The following SLC14A2 variants were observed in gnomAD, a reference collection of about 807,000 sequenced individuals.
SLC14A2 encodes solute carrier family 14 member 2.
In SLC14A2, 91 loss-of-function variants were observed where a neutral mutation model predicts 104.6. The ratio of observed to expected loss-of-function variants is 0.87; its 90% CI spans 0.73 to 1.04. The LOEUF (loss-of-function observed/expected upper bound fraction) is 1.04. Ranked by LOEUF, SLC14A2 falls within the 50% of genes least tolerant of loss-of-function variation. SLC14A2 has a pLI of 0.00. For synonymous variants in SLC14A2, 476 were observed against 466.4 expected, an observed-to-expected ratio of 1.02 and a Z score of -0.27; for missense variants, 1,189 against 1,156.0, an observed-to-expected ratio of 1.03 and a Z score of -0.41.
chr18:45,337,322 G>T (rs115910398), intron 1 of SLC14A2, among the ~76,000 whole-genome samples: 13 of 152,314 alleles, frequency 8.5e-5, no homozygotes, highest in Admixed American at 2.6e-4. Flanking sequence ...TGCCTCAGAA[G>T]TAAAAGGTAG....
At chr18:45,572,073 T>A (rs1321168446) in intron 2 of SLC14A2, among the ~76,000 whole-genome samples, 1 of 152,202 alleles carries the variant, frequency 6.6e-6, no homozygotes, top group East Asian at 1.9e-4. Context: ...TTCTAATATA[T>A]AGCCAGAACT....
intron 1 of SLC14A2, among the ~76,000 whole-genome samples, chr18:45,269,323 G>A (rs771492367): frequency 1.3e-5 from 2 of 152,000 alleles, no homozygotes; most frequent in African/African-American, 4.8e-5. Flanking sequence ...AACATGATAA[G>A]GTTTTAGCTG....
intron 1 of SLC14A2, among the ~76,000 whole-genome samples, chr18:45,225,696 G>A (rs1366635909): frequency 6.6e-6 from 1 of 150,908 alleles, no homozygotes; most frequent in Non-Finnish European, 1.5e-5. Flanking sequence ...TCTTGAAGAG[G>A]TCCTTCACAT....
chr18:45,323,673 G>A (rs1296112056), intron 1 of SLC14A2, among the ~76,000 whole-genome samples: 2 of 152,178 alleles, frequency 1.3e-5, no homozygotes, highest in Non-Finnish European at 2.9e-5. Context: ...GAGTCAATGT[G>A]TTCTGGGGAG....
At position 45,678,396 on chromosome 18, in the gene SLC14A2, C is replaced by T. The variant is rs147265773; in HGVS notation, c.2513-579C>T. Reference sequence around the variant, plus strand: ...CTAAGGACAATTGGGATGCTCTCAGCGAGAAATGAAGGGTTTGGAAGCAAA... The same window carrying T: ...CTAAGGACAATTGGGATGCTCTCAGTGAGAAATGAAGGGTTTGGAAGCAAA... On this transcript the variant is annotated intron_variant, in intron 18 of 19. Coordinates refer to ENST00000255226, the MANE Select transcript of SLC14A2 (RefSeq NM_007163.4). Among the ~76,000 whole-genome samples the T allele has an allele frequency of 3.3e-3, 508 of 152,162 alleles. 2 individuals carry two copies. Among genetic ancestry groups the T allele is most frequent in the African/African-American group, 8.6e-3 (355 of 41,504 alleles).
chr18:45,459,822 C>T (rs1339582187), intron 1 of SLC14A2, among the ~76,000 whole-genome samples: 1 of 152,162 alleles, frequency 6.6e-6, no homozygotes, highest in Non-Finnish European at 1.5e-5. Context: ...CCTATAAACA[C>T]GTTGAAAGCG....
chr18:45,668,132 C>A, intron 14 of SLC14A2, 110 bp downstream of exon 14: 2 of 1,168,738 alleles, frequency 1.7e-6, no homozygotes, highest in Non-Finnish European at 2.4e-6. Flanking sequence ...ACACTGACAA[C>A]TAAAAATGAC....
chr18:45,310,322 T>C (rs897611445), intron 1 of SLC14A2, among the ~76,000 whole-genome samples: 4 of 152,242 alleles, frequency 2.6e-5, no homozygotes, highest in Non-Finnish European at 4.4e-5. Context: ...AAGGGTTCCA[T>C]GGTGCTACCT....
chr18:45,219,062 A>T (rs2084037603), intron 1 of SLC14A2, among the ~76,000 whole-genome samples: 1 of 152,198 alleles, frequency 6.6e-6, no homozygotes, highest in Admixed American at 6.5e-5. Flanking sequence ...AAAAACAAAA[A>T]ATGTATAAGT....
At chr18:45,208,402 A>T (rs145736701), upstream of SLC14A2, among the ~76,000 whole-genome samples, 261 of 152,330 alleles carry the variant, frequency 1.7e-3, 1 homozygote, top group African/African-American at 6.0e-3. Flanking sequence ...TCTGAGAGAC[A>T]TAAGAGCTAA....
intron 18 of SLC14A2, among the ~76,000 whole-genome samples, chr18:45,675,709 A>ATATATATATATATATT (rs57989993): frequency 6.4e-5 from 5 of 78,386 alleles, no homozygotes; most frequent in African/African-American, 2.5e-4. Context: ...ATATATATAT[A>ATATATATATATATATT]TTTTTTTTTT....
intron 11 of SLC14A2, among the ~76,000 whole-genome samples, chr18:45,665,918 T>C (rs1270691070): frequency 6.6e-6 from 1 of 152,076 alleles, no homozygotes; most frequent in Non-Finnish European, 1.5e-5. Flanking sequence ...TATATGAAGA[T>C]GTACACTTTT....
At chr18:45,525,804 A>C (rs2043587817) in intron 2 of SLC14A2, among the ~76,000 whole-genome samples, 1 of 152,146 alleles carries the variant, frequency 6.6e-6, no homozygotes. Context: ...GCAACTCCCC[A>C]TTTACAGTTG....
At chr18:45,255,418 A>G (rs2084466749) in intron 1 of SLC14A2, among the ~76,000 whole-genome samples, 1 of 152,196 alleles carries the variant, frequency 6.6e-6, no homozygotes, top group Non-Finnish European at 1.5e-5. Context: ...GGGAGAGCGC[A>G]TTTGTGTGTG....
intron 1 of SLC14A2, among the ~76,000 whole-genome samples, chr18:45,465,148 G>A (rs896125612): frequency 1.3e-5 from 2 of 152,154 alleles, no homozygotes; most frequent in African/African-American, 2.4e-5. Context: ...TGAGACAGAG[G>A]AGGGTCAGAG....
chr18:45,276,337 T>C (rs1244157673), intron 1 of SLC14A2, among the ~76,000 whole-genome samples: 1 of 152,232 alleles, frequency 6.6e-6, no homozygotes, highest in Non-Finnish European at 1.5e-5. Flanking sequence ...CTGGTTACTA[T>C]AACAGAGGTG....
intron 1 of SLC14A2, among the ~76,000 whole-genome samples, chr18:45,323,080 G>T (rs955725852): frequency 6.6e-6 from 1 of 152,164 alleles, no homozygotes; most frequent in African/African-American, 2.4e-5. Flanking sequence ...CTTGAGGTGT[G>T]TGATTCAGAC....
chr18:45,477,147 C>T (rs2087397308), intron 1 of SLC14A2, among the ~76,000 whole-genome samples: 1 of 152,050 alleles, frequency 6.6e-6, no homozygotes, highest in African/African-American at 2.4e-5. Flanking sequence ...ATGTTGGTGA[C>T]CTTTGGATGG....
At chr18:45,547,539 T>G (rs907920489) in intron 2 of SLC14A2, among the ~76,000 whole-genome samples, 8 of 152,204 alleles carry the variant, frequency 5.3e-5, no homozygotes, top group Non-Finnish European at 1.2e-4. Context: ...ACTGCCTATG[T>G]TGGAACTGAC....
Sources: gnomAD v4.1 joint callset for allele counts (sites outside exome capture counted in the v4.1 genomes callset) on GRCh38, gnomAD v4.1.1 for gene constraint, MANE v1.5 for transcripts, NCBI Gene and HGNC (gene_info 2026-07-23, HGNC 2026-07-21) for gene names.